RALYL: variants seen among roughly 807,000 people sequenced by gnomAD.
RALYL encodes RNA-binding Raly-like protein.
Under a neutral mutation model 35.1 loss-of-function variants are expected in RALYL, and 29 were observed. That is an observed-to-expected ratio of 0.83 (90% confidence interval 0.61 to 1.13). RALYL has a LOEUF of 1.13. Ranked by LOEUF, RALYL falls within the 50% of genes most tolerant of loss-of-function variation. The pLI is 0.00. For missense variants in RALYL, 359 were observed against 360.4 expected (o/e 1.00, Z 0.03); for synonymous variants, 120 against 127.6 (o/e 0.94, Z 0.40).
chr8:84,670,246 G>A (rs190619887), intron 2 of RALYL, among the ~76,000 whole-genome samples: 172 of 152,168 alleles, frequency 1.1e-3, no homozygotes, highest in Middle Eastern at 3.4e-3. Context: ...ACAGATGAAG[G>A]ACTTCAAAGC....
intron 6 of RALYL, 107 bp from the exon 7 acceptor site, chr8:84,873,177 G>A (rs1840531666): frequency 1.8e-6 from 1 of 561,186 alleles, no homozygotes; most frequent in South Asian, 2.8e-5. Flanking sequence ...TGTCCTATGT[G>A]ATTTGACACA....
rs2130775256 is a variant in RALYL, at chr8:84,183,604, T to C, written c.-844T>C. 6.6e-6 allele frequency: 1 copy of C among 152,566 alleles called. No homozygotes were observed. The highest frequency in any genetic ancestry group is 6.5e-5 in the Admixed American group (1 of 15,306). 9.5% of individuals were successfully genotyped at this position (152,566 alleles called of 1,614,324 possible). A position where few individuals can be genotyped will look rare whatever the true frequency, so the allele number is the denominator to read the frequency against. ...GTGAGTACCTTCTCAGTGGCATTCT[T>C]GTCCTATTCTTTTTTTTGTCCTTTT... On this transcript the variant is annotated 5_prime_UTR_variant, in exon 1 of 9. Transcript: ENST00000521268.
chr8:84,778,784 C>T (rs892762509), intron 3 of RALYL, among the ~76,000 whole-genome samples: 3 of 152,112 alleles, frequency 2.0e-5, no homozygotes, highest in Non-Finnish European at 2.9e-5. Flanking sequence ...GGTGACTGAT[C>T]GGAAATGGGG....
At chr8:84,560,424 A>G (rs2061406855) in intron 2 of RALYL, among the ~76,000 whole-genome samples, 2 of 152,054 alleles carry the variant, frequency 1.3e-5, no homozygotes, top group Admixed American at 1.3e-4. Context: ...ATTTCTATAG[A>G]TACCAAAAGC....
At chr8:84,327,128 G>A (rs191256103) in intron 1 of RALYL, among the ~76,000 whole-genome samples, 124 of 152,150 alleles carry the variant, frequency 8.1e-4, no homozygotes, top group Non-Finnish European at 9.1e-4. Context: ...GTGAAAGGGG[G>A]TGGTAGAGCC....
chr8:84,384,976 G>A (rs1265730421), intron 1 of RALYL, among the ~76,000 whole-genome samples: 1 of 151,448 alleles, frequency 6.6e-6, no homozygotes, highest in Non-Finnish European at 1.5e-5. Context: ...TTGTGCCCTG[G>A]GCATAATAAT....
intron 2 of RALYL, among the ~76,000 whole-genome samples, chr8:84,731,897 G>C (rs980670413): frequency 6.6e-6 from 1 of 152,124 alleles, no homozygotes; most frequent in African/African-American, 2.4e-5. Context: ...CACTGGTGTT[G>C]CTTCATGTGC....
At chr8:84,493,384 C>T (rs1365868899) in intron 1 of RALYL, among the ~76,000 whole-genome samples, 4 of 151,966 alleles carry the variant, frequency 2.6e-5, no homozygotes, top group East Asian at 1.9e-4. Context: ...CATATGTGTG[C>T]GTGTATTTTT....
At chr8:84,890,412 G>T (rs759506155) in intron 8 of RALYL, among the ~76,000 whole-genome samples, 2 of 152,092 alleles carry the variant, frequency 1.3e-5, no homozygotes, top group Admixed American at 6.6e-5. Flanking sequence ...ATTTGAAAAG[G>T]CTCCTATGGA....
chr8:84,525,077 C>T (rs2058773799), intron 1 of RALYL, among the ~76,000 whole-genome samples: 1 of 146,490 alleles, frequency 6.8e-6, no homozygotes, highest in Non-Finnish European at 1.5e-5. Flanking sequence ...CTTAATCATA[C>T]TAGCCAGATT....
At chr8:84,399,056 G>A (rs1367435411) in intron 1 of RALYL, among the ~76,000 whole-genome samples, 6 of 151,616 alleles carry the variant, frequency 4.0e-5, no homozygotes, top group African/African-American at 1.5e-4. Flanking sequence ...CCTAATGTCA[G>A]TTTCTATTAA....
intron 1 of RALYL, among the ~76,000 whole-genome samples, chr8:84,512,808 G>A (rs2057733492): frequency 6.6e-6 from 1 of 152,080 alleles, no homozygotes; most frequent in African/African-American, 2.4e-5. Context: ...TGTATGTTCT[G>A]GCACCTTTGT....
rs571549903 is a variant in RALYL at position 84,446,645 on chromosome 8, A to G, written c.-23-82654A>G. ...AGGAAATAACATATTTTCCTGGCTCAGTTGAGTATTGATTATTAAGAATAT... is the reference window on the plus strand; with the variant it reads ...AGGAAATAACATATTTTCCTGGCTCGGTTGAGTATTGATTATTAAGAATAT... On this transcript the variant is annotated intron_variant, in intron 1 of 8. Coordinates refer to ENST00000521268, the MANE Select transcript of RALYL (RefSeq NM_173848.7). Among the ~76,000 whole-genome samples, 4 of 152,188 alleles carry G rather than the reference A, an allele frequency of 2.6e-5. No individual in the cohort carries two copies. In the South Asian group the frequency reaches 8.3e-4, roughly 32 times the overall value.
chr8:84,565,780 T>C (rs2061742676), intron 2 of RALYL, among the ~76,000 whole-genome samples: 1 of 151,702 alleles, frequency 6.6e-6, no homozygotes, highest in Admixed American at 6.6e-5. Flanking sequence ...GCTATTTACT[T>C]ATACTGTGAA....
intron 1 of RALYL, among the ~76,000 whole-genome samples, chr8:84,497,649 T>G (rs1010078668): frequency 1.1e-4 from 17 of 148,458 alleles, no homozygotes; most frequent in East Asian, 3.9e-4. Context: ...TTTGTTTTTT[T>G]TTTTTTTTTT....
chr8:84,640,492 A>ATAATTC (rs1172190811), intron 2 of RALYL, among the ~76,000 whole-genome samples: 1 of 152,024 alleles, frequency 6.6e-6, no homozygotes, highest in Non-Finnish European at 1.5e-5. Context: ...AGGGGAATAT[A>ATAATTC]TAATTCTTAG....
At chr8:84,395,648 T>C (rs1334734742) in intron 1 of RALYL, among the ~76,000 whole-genome samples, 2 of 151,942 alleles carry the variant, frequency 1.3e-5, no homozygotes, top group African/African-American at 4.8e-5. Flanking sequence ...GTTACCAATA[T>C]TCCTTAAAAA....
chr8:84,516,667 A>G (rs978592245), intron 1 of RALYL, among the ~76,000 whole-genome samples: 4 of 152,162 alleles, frequency 2.6e-5, no homozygotes, highest in South Asian at 2.1e-4. Context: ...ACCTTTCTCC[A>G]CTTTGCTGGG....
chr8:84,835,502 TAAAAAAAAAAA>T (rs35745516), intron 4 of RALYL, among the ~76,000 whole-genome samples: 1 of 96,322 alleles, frequency 1.0e-5, no homozygotes, highest in Non-Finnish European at 1.9e-5. Context: ...CTGTCTCTAC[TAAAAAAAAAAA>T]AAAAAAAAAA....
Sources: allele counts gnomAD v4.1 joint callset (sites outside exome capture counted in the v4.1 genomes callset), GRCh38; gene constraint gnomAD v4.1.1; transcripts MANE v1.5; gene names NCBI Gene and HGNC (gene_info 2026-07-23, HGNC 2026-07-21).